The following PTPRD variants were observed in gnomAD, a reference collection of about 807,000 sequenced individuals.
PTPRD encodes receptor-type tyrosine-protein phosphatase delta.
In PTPRD, 34 loss-of-function variants were observed where a neutral mutation model predicts 214.5. The ratio of observed to expected loss-of-function variants is 0.16; its 90% CI spans 0.12 to 0.21. The LOEUF (loss-of-function observed/expected upper bound fraction) is 0.21, where lower values mean the gene tolerates loss of function less well. PTPRD is among the 10% of genes least tolerant of loss of function. The probability of loss-of-function intolerance (pLI) is 1.00; values close to 1 mark genes in which losing one functional copy is unlikely to be tolerated. For synonymous variants in PTPRD, 1,128 were observed against 845.7 expected (o/e 1.33, Z -5.79); for missense variants, 2,545 against 2,398.7 (o/e 1.06, Z -1.27).
intron 2 of PTPRD, among the ~76,000 whole-genome samples, chr9:10,574,145 A>G (rs1248419721): frequency 6.6e-6 from 1 of 152,044 alleles, no homozygotes; most frequent in African/African-American, 2.4e-5. Context: ...AACAAATACA[A>G]TGATTTTGTA....
chr9:9,441,723 A>T (rs1271209540), intron 8 of PTPRD, among the ~76,000 whole-genome samples: 2 of 152,240 alleles, frequency 1.3e-5, no homozygotes, highest in Non-Finnish European at 2.9e-5. Flanking sequence ...ACTTTTCCAA[A>T]ATGAATGAAT....
At chr9:10,087,287 T>C (rs142341966) in intron 3 of PTPRD, among the ~76,000 whole-genome samples, 46 of 151,854 alleles carry the variant, frequency 3.0e-4, no homozygotes, top group African/African-American at 1.0e-3. Flanking sequence ...CAAATGGAAA[T>C]GCTCATCTTC....
intron 11 of PTPRD, among the ~76,000 whole-genome samples, chr9:8,752,383 A>C (rs2093620410): frequency 6.6e-6 from 1 of 152,174 alleles, no homozygotes; most frequent in Admixed American, 6.5e-5. Context: ...AAGTTACCCT[A>C]CATGGTCTAA....
At chr9:8,638,918 C>T (rs1292973917) in intron 12 of PTPRD, among the ~76,000 whole-genome samples, 1 of 152,180 alleles carries the variant, frequency 6.6e-6, no homozygotes, top group African/African-American at 2.4e-5. Flanking sequence ...TCTCGACTCA[C>T]TGCAACCTCC....
chr9:8,443,035 C>T (rs982113653), intron 34 of PTPRD, among the ~76,000 whole-genome samples: 1 of 152,160 alleles, frequency 6.6e-6, no homozygotes, highest in Admixed American at 6.5e-5. Flanking sequence ...GTCCCAGCTA[C>T]TTGGGAGGTT....
intron 12 of PTPRD, among the ~76,000 whole-genome samples, chr9:8,643,827 C>T (rs1238781601): frequency 1.3e-5 from 2 of 152,212 alleles, no homozygotes; most frequent in East Asian, 1.9e-4. Flanking sequence ...TGCCCCTTGG[C>T]GTGAGCAGCC....
chr9:10,093,916 T>C (rs2098457397), intron 3 of PTPRD, among the ~76,000 whole-genome samples: 2 of 151,200 alleles, frequency 1.3e-5, no homozygotes. Flanking sequence ...ATAGGAACAG[T>C]AGACACGGGG....
intron 12 of PTPRD, among the ~76,000 whole-genome samples, chr9:8,730,513 C>G (rs1202433070): frequency 2.0e-5 from 3 of 152,152 alleles, no homozygotes; most frequent in South Asian, 2.1e-4. Flanking sequence ...AGTGTAAACT[C>G]AGGTCTAGAA....
chr9:9,213,733 G>C (rs2099950340), intron 9 of PTPRD, among the ~76,000 whole-genome samples: 1 of 152,106 alleles, frequency 6.6e-6, no homozygotes, highest in Admixed American at 6.6e-5. Flanking sequence ...CATGTGAGAT[G>C]AAAGTAAGGT....
chr9:9,665,423 A>G (rs907693527), intron 7 of PTPRD, among the ~76,000 whole-genome samples: 24 of 151,842 alleles, frequency 1.6e-4, no homozygotes, highest in African/African-American at 5.8e-4. Context: ...AAACTTATAA[A>G]TGCTCACTGT....
At chr9:8,986,745 C>A (rs552395632) in intron 11 of PTPRD, among the ~76,000 whole-genome samples, 1 of 152,134 alleles carries the variant, frequency 6.6e-6, no homozygotes, top group South Asian at 2.1e-4. Context: ...GTGCCAGATA[C>A]AAATGTGTAA....
intron 3 of PTPRD, among the ~76,000 whole-genome samples, chr9:10,122,307 C>T (rs115687419): frequency 6.6e-6 from 1 of 151,468 alleles, no homozygotes; most frequent in African/African-American, 2.4e-5. Context: ...AACTCCATCT[C>T]AAAAAAAATT....
intron 39 of PTPRD, among the ~76,000 whole-genome samples, chr9:8,345,565 A>G (rs186521224): frequency 3.3e-5 from 5 of 151,892 alleles, no homozygotes; most frequent in Non-Finnish European, 7.4e-5. Flanking sequence ...AACATCAGAT[A>G]CTCCCTTGGG....
intron 17 of PTPRD, among the ~76,000 whole-genome samples, chr9:8,526,364 C>G (rs2074145202): frequency 6.6e-6 from 1 of 150,788 alleles, no homozygotes. Context: ...GTCTAAAGAC[C>G]TGGATATGCT....
intron 10 of PTPRD, among the ~76,000 whole-genome samples, chr9:9,063,767 C>T (rs1284110605): frequency 6.6e-6 from 1 of 152,172 alleles, no homozygotes; most frequent in African/African-American, 2.4e-5. Flanking sequence ...CTGTTTTCCT[C>T]AGATACACTG....
At chr9:8,573,956 A>C (rs2154240332) in intron 14 of PTPRD, among the ~76,000 whole-genome samples, 1 of 152,116 alleles carries the variant, frequency 6.6e-6, no homozygotes, top group Non-Finnish European at 1.5e-5. Context: ...TTTAGGGCTG[A>C]CTATGGTAAT....
At chr9:10,011,467 G>A (rs555644523) in intron 4 of PTPRD, among the ~76,000 whole-genome samples, 7 of 151,904 alleles carry the variant, frequency 4.6e-5, no homozygotes, top group Admixed American at 2.0e-4. Flanking sequence ...TTTAGCTGTC[G>A]AATGCATAAG....
chr9:9,497,820 T>C (rs1407448231), intron 8 of PTPRD, among the ~76,000 whole-genome samples: 2 of 152,266 alleles, frequency 1.3e-5, no homozygotes, highest in East Asian at 1.9e-4. Context: ...AGCACTGTTA[T>C]GGAATGAAAC....
chr9:9,593,972 G>C (rs1275750214), intron 7 of PTPRD, among the ~76,000 whole-genome samples: 1 of 152,000 alleles, frequency 6.6e-6, no homozygotes, highest in Non-Finnish European at 1.5e-5. Context: ...TGGAGCCCTG[G>C]CTATCTATTG....
Sources: gnomAD v4.1 joint callset for allele counts (sites outside exome capture counted in the v4.1 genomes callset) on GRCh38, gnomAD v4.1.1 for gene constraint, MANE v1.5 for transcripts, NCBI Gene and HGNC (gene_info 2026-07-23, HGNC 2026-07-21) for gene names.